The following DAPL1 variants were observed in gnomAD, a reference collection of about 807,000 sequenced individuals.
The protein encoded by DAPL1 is death-associated protein-like 1.
In DAPL1, 17 loss-of-function variants were observed where a neutral mutation model predicts 12.9. That is an observed-to-expected ratio of 1.32 (90% CI 0.90 to 1.98). The LOEUF is 1.98. Among genes scored for constraint, DAPL1 ranks in the 30% most tolerant of loss-of-function variants. The pLI is 0.00. For missense variants in DAPL1, 157 were observed against 125.7 expected, an observed-to-expected ratio of 1.25 and a Z score of -1.19; for synonymous variants, 51 against 42.0, an observed-to-expected ratio of 1.21 and a Z score of -0.82.
At chr2:158,796,660 C>A (rs2059136206) in intron 1 of DAPL1, among the ~76,000 whole-genome samples, 1 of 152,174 alleles carries the variant, frequency 6.6e-6, no homozygotes. Context: ...TGTTTCCACT[C>A]CAACCCTTCA....
intron 1 of DAPL1, among the ~76,000 whole-genome samples, chr2:158,798,170 A>G (rs1222471935): frequency 6.6e-6 from 1 of 152,260 alleles, no homozygotes; most frequent in Admixed American, 6.5e-5. Context: ...GGTCTAAGCC[A>G]AATGAATCAG....
chr2:158,798,466 G>A (rs1320467491), intron 1 of DAPL1, among the ~76,000 whole-genome samples: 1 of 152,244 alleles, frequency 6.6e-6, no homozygotes, highest in African/African-American at 2.4e-5. Context: ...TCCTGCCCCA[G>A]GGGACAGGGA....
chr2:158,813,168 G>T (rs2059240795), intron 3 of DAPL1, among the ~76,000 whole-genome samples: 1 of 152,198 alleles, frequency 6.6e-6, no homozygotes, highest in African/African-American at 2.4e-5. Context: ...CCTATGGGAG[G>T]TACCCAAAGT....
rs890628139 is a variant in DAPL1 at position 158,815,900 on chromosome 2, T to G, written c.*79T>G. On this transcript the variant is annotated 3_prime_UTR_variant, in exon 4 of 4. Coordinates refer to ENST00000309950, the MANE Select transcript of DAPL1 (RefSeq NM_001017920.3). ...TAGCAAAAAGGGCCAAAGCTTTCCATAGGCGTGCTGCACTTGCTTGGTAAA... is the reference window on the plus strand; with the variant it reads ...TAGCAAAAAGGGCCAAAGCTTTCCAGAGGCGTGCTGCACTTGCTTGGTAAA... 26 of 984,018 alleles carry G rather than the reference T, an allele frequency of 2.6e-5. No homozygotes were observed. The highest frequency in any genetic ancestry group is 4.3e-5 in the Non-Finnish European group (26 of 608,756). The allele number at this position is 984,018 out of a possible 1,614,324, so 61.0% of individuals were successfully genotyped here. A position where few individuals can be genotyped will look rare whatever the true frequency, so the allele number is the denominator to read the frequency against.
chr2:158,801,134 C>T lies in DAPL1; in HGVS notation c.59-3148C>T, dbSNP rs1035991219. Reference sequence around the variant, plus strand: ...CTGGGATTACAGGTGTGAGCCATCGCGCCCAGCCAGTTCTTCTCATCTTTA... The same window carrying T: ...CTGGGATTACAGGTGTGAGCCATCGTGCCCAGCCAGTTCTTCTCATCTTTA... On this transcript the variant is annotated intron_variant, in intron 1 of 3. Transcript: ENST00000309950. Among the ~76,000 whole-genome samples, 24 of 152,248 alleles carry T rather than the reference C, an allele frequency of 1.6e-4. 2 individuals are homozygous for T. Among genetic ancestry groups the T allele is most frequent in the South Asian group, 8.3e-4 (4 of 4,826 alleles).
intron 2 of DAPL1, among the ~76,000 whole-genome samples, chr2:158,806,029 T>A (rs2059199085): frequency 6.7e-6 from 1 of 148,310 alleles, no homozygotes; most frequent in Non-Finnish European, 1.5e-5. Context: ...TATCATTAGC[T>A]CCACATATAT....
At chr2:158,799,675 G>A (rs1016982827) in intron 1 of DAPL1, among the ~76,000 whole-genome samples, 5 of 152,074 alleles carry the variant, frequency 3.3e-5, no homozygotes, top group African/African-American at 1.2e-4. Flanking sequence ...ACTGTACATA[G>A]ATGACTGAGT....
intron 1 of DAPL1, among the ~76,000 whole-genome samples, chr2:158,797,151 G>A (rs914306389): frequency 6.6e-6 from 1 of 152,084 alleles, no homozygotes; most frequent in African/African-American, 2.4e-5. Context: ...GGGGAGGGTG[G>A]GACATACATA....
chr2:158,802,014 T>C (rs1402065115), intron 1 of DAPL1, among the ~76,000 whole-genome samples: 1 of 152,212 alleles, frequency 6.6e-6, no homozygotes, highest in Non-Finnish European at 1.5e-5. Flanking sequence ...AGCTCAACCT[T>C]TAATAAAACA....
At position 158,795,383 on chromosome 2, in the gene DAPL1, A is replaced by C. The variant is rs1332201040; in HGVS notation, c.11A>C (p.Glu4Ala). The C allele has an allele frequency of 1.9e-6, 3 of 1,555,528 alleles. No individual in the cohort carries two copies. The highest frequency in any genetic ancestry group is 1.7e-6 in the Non-Finnish European group (2 of 1,149,246). Reference sequence around the variant, plus strand: ...GCACTGGCACACGCTATGGCAAATGAAGTGCAAGACCTGCTCTCCCCTCGG... The same window carrying C: ...GCACTGGCACACGCTATGGCAAATGCAGTGCAAGACCTGCTCTCCCCTCGG... MAN[E>A]VQDLLSPRKG... Residue 4 changes from glutamate (E) to alanine (A), a missense_variant, in exon 1 of 4, where the codon GAA (glutamate) becomes GCA (alanine). Coordinates refer to ENST00000309950, the MANE Select transcript of DAPL1 (RefSeq NM_001017920.3).
chr2:158,808,010 G>C (rs950613902), intron 3 of DAPL1, among the ~76,000 whole-genome samples: 1 of 152,210 alleles, frequency 6.6e-6, no homozygotes. Context: ...GTAGACAGTG[G>C]TTTGGTTTTC....
At chr2:158,815,564 T>C in intron 3 of DAPL1, 141 bp from the exon 4 acceptor site, 1 of 676,052 alleles carries the variant, frequency 1.5e-6, no homozygotes. Flanking sequence ...CTAGAAATAG[T>C]ATGGAAAAAA....
In DAPL1 at chr2:158,795,728, T is replaced by C. The variant is rs115912552; in HGVS notation, c.58+298T>C. ...GCACCTTTCCTCCCTCGAGGCAGCA[T>C]TCCTTTCACGGGGCCCTGGCTGTAG... On this transcript the variant is annotated intron_variant, in intron 1 of 3. Transcript: ENST00000309950. Among the ~76,000 whole-genome samples the C allele has an allele frequency of 3.4e-3, 522 of 152,184 alleles. 5 individuals are homozygous for C. The highest frequency in any genetic ancestry group is 0.012 in the African/African-American group (489 of 41,514).
intron 3 of DAPL1, among the ~76,000 whole-genome samples, chr2:158,813,785 G>A (rs1205673429): frequency 6.6e-6 from 1 of 152,122 alleles, no homozygotes; most frequent in Non-Finnish European, 1.5e-5. Flanking sequence ...TCGATCGCCT[G>A]ACCTCATGAT....
chr2:158,802,440 G>T (rs1056455444), intron 1 of DAPL1, among the ~76,000 whole-genome samples: 1 of 152,202 alleles, frequency 6.6e-6, no homozygotes, highest in African/African-American at 2.4e-5. Flanking sequence ...TGAGGAAGCA[G>T]CTTGGTAATG....
intron 1 of DAPL1, among the ~76,000 whole-genome samples, chr2:158,803,778 T>G (rs1163748464): frequency 1.3e-5 from 2 of 152,194 alleles, no homozygotes; most frequent in African/African-American, 4.8e-5. Context: ...GAACCATCTC[T>G]GTTGAATTAA....
rs767699978 is a variant in DAPL1 at position 158,804,398 on chromosome 2, C to T, written c.146+29C>T. On this transcript the variant is annotated intron_variant, in intron 2 of 3. Coordinates refer to ENST00000309950, the MANE Select transcript of DAPL1 (RefSeq NM_001017920.3). Reference sequence around the variant, plus strand: ...GGGACTCTTAATTTTTCTCCATCACCTTGAGGAGTTTTGAGTGACTCTGCC... The same window carrying T: ...GGGACTCTTAATTTTTCTCCATCACTTTGAGGAGTTTTGAGTGACTCTGCC... 5 of 1,530,340 alleles carry T rather than the reference C, an allele frequency of 3.3e-6. No homozygotes were observed. In the African/African-American group the frequency reaches 5.5e-5, roughly 17 times the overall value. The allele number at this position is 1,530,340 out of a possible 1,614,324, so 94.8% of individuals were successfully genotyped here. A position where few individuals can be genotyped will look rare whatever the true frequency, so the allele number is the denominator to read the frequency against.
At chr2:158,802,779 G>A (rs78765308) in intron 1 of DAPL1, among the ~76,000 whole-genome samples, 14,836 of 152,152 alleles carry the variant, frequency 0.098, 946 homozygotes, top group Non-Finnish European at 0.13. Flanking sequence ...TCTGTGCCTC[G>A]CCTTGAATTT....
intron 1 of DAPL1, among the ~76,000 whole-genome samples, chr2:158,798,527 G>A (rs1436721169): frequency 6.6e-6 from 1 of 152,208 alleles, no homozygotes; most frequent in African/African-American, 2.4e-5. Context: ...ACTGCACCTG[G>A]CACAGCAAAG....
Sources: gnomAD v4.1 joint callset for allele counts (sites outside exome capture counted in the v4.1 genomes callset) on GRCh38, gnomAD v4.1.1 for gene constraint, MANE v1.5 for transcripts, NCBI Gene and HGNC (gene_info 2026-07-23, HGNC 2026-07-21) for gene names.